CDH13: variants seen among roughly 807,000 people sequenced by gnomAD.
CDH13 encodes cadherin-13.
CDH13 carries 24 observed loss-of-function variants against 63.8 expected under a neutral mutation model. The ratio of observed to expected loss-of-function variants is 0.38; its 90% confidence interval spans 0.27 to 0.53. The LOEUF is 0.53. Among genes scored for constraint, CDH13 ranks in the 20% least tolerant of loss-of-function variants. The pLI is 0.85. For missense variants in CDH13, 1,049 were observed against 903.1 expected (o/e 1.16, Z -2.07); for synonymous variants, 503 against 355.3 (o/e 1.42, Z -4.67).
chr16:83,574,131 C>T (rs1008450144), intron 7 of CDH13, among the ~76,000 whole-genome samples: 3 of 152,134 alleles, frequency 2.0e-5, no homozygotes, highest in African/African-American at 2.4e-5. Flanking sequence ...TCATGAGGTT[C>T]AGATGAGAGA....
intron 5 of CDH13, among the ~76,000 whole-genome samples, chr16:83,234,580 G>C (rs942159854): frequency 6.6e-6 from 1 of 152,160 alleles, no homozygotes; most frequent in Non-Finnish European, 1.5e-5. Flanking sequence ...GAGCACCGCT[G>C]GGGTTCAGGT....
At chr16:83,401,108 AGGTG>A in intron 6 of CDH13, among the ~76,000 whole-genome samples, 1 of 152,272 alleles carries the variant, frequency 6.6e-6, no homozygotes, top group Middle Eastern at 3.4e-3. Context: ...TGGGAAGCCG[AGGTG>A]GGTGGATCAC....
At chr16:82,812,380 C>T (rs2037492392) in intron 1 of CDH13, among the ~76,000 whole-genome samples, 1 of 152,110 alleles carries the variant, frequency 6.6e-6, no homozygotes, top group African/African-American at 2.4e-5. Flanking sequence ...GAAGAGTGGT[C>T]AGCAGGAAGC....
At chr16:83,402,295 A>G (rs181967461) in intron 6 of CDH13, among the ~76,000 whole-genome samples, 4 of 152,268 alleles carry the variant, frequency 2.6e-5, no homozygotes, top group Admixed American at 1.3e-4. Context: ...GTTTTGTGCC[A>G]TGCATGAGCT....
intron 10 of CDH13, chr16:83,729,146 G>C (rs184355514): frequency 3.5e-4 from 54 of 152,278 alleles, no homozygotes; most frequent in Admixed American, 3.1e-3. Flanking sequence ...ATGGGGGTTA[G>C]AGTTCTATCA....
intron 5 of CDH13, among the ~76,000 whole-genome samples, chr16:83,322,446 T>A (rs1163756527): frequency 6.6e-6 from 1 of 152,268 alleles, no homozygotes; most frequent in Non-Finnish European, 1.5e-5. Flanking sequence ...ATGATTCATT[T>A]GTTCATTGAT....
chr16:83,745,777 C>T (rs1260810585), intron 10 of CDH13, among the ~76,000 whole-genome samples: 3 of 152,200 alleles, frequency 2.0e-5, no homozygotes, highest in Non-Finnish European at 2.9e-5. Context: ...CAGGAGGCAT[C>T]CCTCTGGCTT....
chr16:83,431,615 G>C (rs1361554747), intron 6 of CDH13, among the ~76,000 whole-genome samples: 1 of 152,150 alleles, frequency 6.6e-6, no homozygotes, highest in African/African-American at 2.4e-5. Context: ...GAGGCCTCAG[G>C]AAGCTTCCAA....
intron 2 of CDH13, among the ~76,000 whole-genome samples, chr16:82,920,109 A>T (rs1241920533): frequency 6.6e-6 from 1 of 152,210 alleles, no homozygotes; most frequent in African/African-American, 2.4e-5. Flanking sequence ...TGCCTCATGT[A>T]TGCGAGAAGT....
At chr16:82,851,078 G>A (rs145803664) in intron 1 of CDH13, among the ~76,000 whole-genome samples, 12 of 151,156 alleles carry the variant, frequency 7.9e-5, no homozygotes, top group South Asian at 2.1e-4. Context: ...ACAGTTTGAG[G>A]AGAATATGTT....
chr16:83,570,777 AAT>A (rs1491270303), intron 7 of CDH13, among the ~76,000 whole-genome samples: 1 of 142,068 alleles, frequency 7.0e-6, no homozygotes, highest in Non-Finnish European at 1.5e-5. Flanking sequence ...ATATGAATAA[AAT>A]ATATTTTATA....
At chr16:83,069,657 C>A (rs1031485886) in intron 3 of CDH13, among the ~76,000 whole-genome samples, 2 of 152,166 alleles carry the variant, frequency 1.3e-5, no homozygotes, top group African/African-American at 4.8e-5. Context: ...TCACTGCTTC[C>A]TCCAGCCTCA....
At chr16:82,923,874 G>A (rs915477091) in intron 2 of CDH13, among the ~76,000 whole-genome samples, 4 of 152,200 alleles carry the variant, frequency 2.6e-5, no homozygotes, top group African/African-American at 9.6e-5. Flanking sequence ...GTTGGGAATT[G>A]GGATCCTGGT....
intron 6 of CDH13, among the ~76,000 whole-genome samples, chr16:83,461,221 C>G (rs1488019087): frequency 6.6e-6 from 1 of 151,984 alleles, no homozygotes; most frequent in African/African-American, 2.4e-5. Flanking sequence ...TATACACATA[C>G]ATGTATATGT....
At chr16:83,106,559 C>G (rs991410219) in intron 3 of CDH13, among the ~76,000 whole-genome samples, 2 of 151,896 alleles carry the variant, frequency 1.3e-5, no homozygotes, top group Non-Finnish European at 2.9e-5. Flanking sequence ...CAAAACAAAA[C>G]AATACAAAAC....
At chr16:83,663,457 A>T (rs73248718) in intron 8 of CDH13, among the ~76,000 whole-genome samples, 11,422 of 152,284 alleles carry the variant, frequency 0.075, 696 homozygotes, top group African/African-American at 0.17. Context: ...GAAATAGAGA[A>T]GAACTGGTTA....
chr16:83,400,829 C>T (rs1253644458), intron 6 of CDH13, among the ~76,000 whole-genome samples: 1 of 152,140 alleles, frequency 6.6e-6, no homozygotes, highest in Non-Finnish European at 1.5e-5. Flanking sequence ...CCTTGAAATG[C>T]ACTGAAGCCT....
chr16:82,870,442 T>A (rs1272675723), intron 2 of CDH13, among the ~76,000 whole-genome samples: 8 of 152,032 alleles, frequency 5.3e-5, no homozygotes, highest in Non-Finnish European at 8.8e-5. Flanking sequence ...AACTACTATA[T>A]GGCCCAACAG....
chr16:83,283,655 C>G (rs942246890), intron 5 of CDH13, among the ~76,000 whole-genome samples: 1 of 152,110 alleles, frequency 6.6e-6, no homozygotes, highest in African/African-American at 2.4e-5. Flanking sequence ...CTGAAATGTC[C>G]TTTAGTGTTC....
Sources: gnomAD v4.1 joint callset for allele counts (sites outside exome capture counted in the v4.1 genomes callset) on GRCh38, gnomAD v4.1.1 for gene constraint, MANE v1.5 for transcripts, NCBI Gene and HGNC (gene_info 2026-07-23, HGNC 2026-07-21) for gene names.